UBE2G1: variants seen among roughly 807,000 people sequenced by gnomAD.
UBE2G1 encodes the protein ubiquitin-conjugating enzyme E2 G1.
UBE2G1 carries 5 observed loss-of-function variants against 22.7 expected under a neutral mutation model. The observed-to-expected ratio is 0.22, with a 90% CI of 0.12 to 0.46. The LOEUF is 0.46. Among genes scored for constraint, UBE2G1 ranks in the 20% least tolerant of loss-of-function variants. The pLI is 0.99. For synonymous variants in UBE2G1, 74 were observed against 67.5 expected (o/e 1.10, Z -0.47); for missense variants, 88 against 203.9 (o/e 0.43, Z 3.46).
intron 4 of UBE2G1, among the ~76,000 whole-genome samples, chr17:4,288,133 C>T (rs1968990635): frequency 6.6e-6 from 1 of 152,112 alleles, no homozygotes; most frequent in Admixed American, 6.6e-5. Context: ...AACTGGTGAA[C>T]CTAGGTGAAA....
chr17:4,338,504 C>T (rs182977128), intron 1 of UBE2G1, among the ~76,000 whole-genome samples: 1 of 152,294 alleles, frequency 6.6e-6, no homozygotes, highest in Admixed American at 6.5e-5. Context: ...CAGTCCCAGA[C>T]ATTTTCATAG....
intron 1 of UBE2G1, among the ~76,000 whole-genome samples, chr17:4,308,460 T>C (rs879548502): frequency 6.7e-6 from 1 of 149,160 alleles, no homozygotes; most frequent in Non-Finnish European, 1.5e-5. Context: ...GGGAGGCAAA[T>C]GTTGCATCAA....
chr17:4,345,623 T>C (rs1969759004), intron 1 of UBE2G1: 1 of 152,216 alleles, frequency 6.6e-6, no homozygotes, highest in African/African-American at 2.4e-5. Context: ...AGCTACTGAA[T>C]TTACCATTGA....
At chr17:4,363,921 C>T (rs1311951143) in intron 1 of UBE2G1, among the ~76,000 whole-genome samples, 2 of 123,890 alleles carry the variant, frequency 1.6e-5, no homozygotes, top group African/African-American at 6.5e-5. Flanking sequence ...CACTGCACTC[C>T]AGCTGGGCAA....
In UBE2G1 at chr17:4,366,421, C is replaced by G; in HGVS notation, c.-105G>C. The G allele has an allele frequency of 8.6e-7, 1 of 1,167,286 alleles. No individual in the cohort carries two copies. Among genetic ancestry groups the G allele is most frequent in the African/African-American group, 1.6e-5 (1 of 62,376 alleles). The allele number at this position is 1,167,286 out of a possible 1,614,324, so 72.3% of individuals were successfully genotyped here. A position where few individuals can be genotyped will look rare whatever the true frequency, so the allele number is the denominator to read the frequency against. On this transcript the variant is annotated 5_prime_UTR_variant, in exon 1 of 6. Transcript: ENST00000396981. ...GTGCCGAGGAACCCGGGCCCCGCGA[C>G]CGGAGCGCCGGAGCCGAGGAAGGCC...
intron 1 of UBE2G1, among the ~76,000 whole-genome samples, chr17:4,323,697 T>C (rs1490326738): frequency 1.3e-5 from 2 of 152,250 alleles, no homozygotes; most frequent in East Asian, 3.9e-4. Flanking sequence ...TATAGGTACA[T>C]GGCACCATGC....
intron 1 of UBE2G1, among the ~76,000 whole-genome samples, chr17:4,344,180 G>C (rs1006265925): frequency 6.6e-6 from 1 of 152,280 alleles, no homozygotes; most frequent in Middle Eastern, 3.4e-3. Context: ...GCAATCAAGA[G>C]TTAAGTACTT....
intron 2 of UBE2G1, among the ~76,000 whole-genome samples, chr17:4,298,529 G>T (rs1192460487): frequency 6.6e-6 from 1 of 152,050 alleles, no homozygotes; most frequent in Non-Finnish European, 1.5e-5. Flanking sequence ...TAAGACATGG[G>T]GAAGGTGCAG....
chr17:4,313,846 C>T (rs1969338486), intron 1 of UBE2G1, among the ~76,000 whole-genome samples: 1 of 152,104 alleles, frequency 6.6e-6, no homozygotes, highest in African/African-American at 2.4e-5. Flanking sequence ...ATCTGGAAAT[C>T]ACTGTGGGCC....
Position 4,275,536 on chromosome 17 carries a change from TTAA to T in UBE2G1, c.*38-3023_*38-3021del, listed in dbSNP as rs1034870042. Among the ~76,000 whole-genome samples the T allele has an allele frequency of 1.2e-3, 183 of 152,304 alleles. 5 individuals are homozygous for T. Among genetic ancestry groups the T allele is most frequent in the Admixed American group, 6.5e-4 (10 of 15,306 alleles). ...GAACTTGAGTGTCTTATTCCATTTA[TTAA>T]TATTTCTAAAACTAGAGTCGTCTTT... On this transcript the variant is annotated intron_variant, in intron 5 of 5. Coordinates refer to ENST00000396981, the MANE Select transcript of UBE2G1 (RefSeq NM_003342.5).
At chr17:4,309,601 C>G (rs558823396) in intron 1 of UBE2G1, among the ~76,000 whole-genome samples, 5 of 152,332 alleles carry the variant, frequency 3.3e-5, no homozygotes, top group Non-Finnish European at 2.9e-5. Context: ...AACTGAGGAA[C>G]AGAGTGCAGC....
chr17:4,345,989 A>G (rs774332121), intron 1 of UBE2G1, among the ~76,000 whole-genome samples: 15 of 152,358 alleles, frequency 9.8e-5, no homozygotes, highest in Non-Finnish European at 2.1e-4. Flanking sequence ...CACTTTTAGA[A>G]TTCATTTTAC....
chr17:4,293,414 A>G (rs1598183114), intron 3 of UBE2G1, among the ~76,000 whole-genome samples: 2 of 152,260 alleles, frequency 1.3e-5, no homozygotes, highest in East Asian at 1.9e-4. Flanking sequence ...TTGTTTTTCT[A>G]TTTATCAGCT....
intron 1 of UBE2G1, among the ~76,000 whole-genome samples, chr17:4,359,182 A>T (rs1167231998): frequency 1.3e-5 from 2 of 152,346 alleles, no homozygotes; most frequent in South Asian, 2.1e-4. Context: ...GAACTTTTTT[A>T]AAAATTCCTA....
intron 1 of UBE2G1, among the ~76,000 whole-genome samples, chr17:4,325,518 G>A (rs1389679948): frequency 6.6e-6 from 1 of 152,186 alleles, no homozygotes; most frequent in Non-Finnish European, 1.5e-5. Flanking sequence ...GAGAGCTTAA[G>A]AGACTTCTAA....
intron 1 of UBE2G1, among the ~76,000 whole-genome samples, chr17:4,325,301 T>C (rs1211477321): frequency 6.6e-6 from 1 of 152,200 alleles, no homozygotes; most frequent in African/African-American, 2.4e-5. Flanking sequence ...GACGTGTCAA[T>C]GTAGTCCATC....
At chr17:4,349,612 G>A (rs1969819735) in intron 1 of UBE2G1, among the ~76,000 whole-genome samples, 2 of 152,278 alleles carry the variant, frequency 1.3e-5, no homozygotes, top group Non-Finnish European at 2.9e-5. Context: ...GGGAGGCCGA[G>A]GTGGGCGGAT....
intron 3 of UBE2G1, among the ~76,000 whole-genome samples, chr17:4,290,390 T>C (rs1161134485): frequency 6.6e-6 from 1 of 152,228 alleles, no homozygotes. Flanking sequence ...CTCTGGGTAA[T>C]CAGAATCAAA....
intron 1 of UBE2G1, among the ~76,000 whole-genome samples, chr17:4,312,862 C>T (rs891943670): frequency 6.6e-6 from 1 of 151,578 alleles, no homozygotes; most frequent in Non-Finnish European, 1.5e-5. Context: ...GCCACAGTTG[C>T]CCTCGGCATA....
Sources: allele counts gnomAD v4.1 joint callset (sites outside exome capture counted in the v4.1 genomes callset), GRCh38; gene constraint gnomAD v4.1.1; transcripts MANE v1.5; gene names NCBI Gene and HGNC (gene_info 2026-07-23, HGNC 2026-07-21).